Variants in PHF6 observed in about 807,000 individuals in gnomAD.
PHF6 encodes the protein PHD-like zinc finger protein.
A neutral mutation model predicts 34.0 loss-of-function variants in PHF6; 7 were observed. That is an observed-to-expected ratio of 0.21 (90% CI 0.12 to 0.39). PHF6 has a LOEUF of 0.39. PHF6 is among the 10% of genes least tolerant of loss of function. PHF6 has a pLI of 1.00. For missense variants in PHF6, 128 were observed against 262.8 expected (o/e 0.49, Z 3.55); for synonymous variants, 89 against 88.4 (o/e 1.01, Z -0.04).
At chrX:134,399,686 G>GAC (rs749494093) in intron 5 of PHF6, among the ~76,000 whole-genome samples, 2,035 of 95,512 alleles carry the variant, frequency 0.021, 49 homozygotes, top group African/African-American at 0.073. Context: ...CACACACACA[G>GAC]ACACACACAC....
chrX:134,423,146 A>G (rs765613046), intron 9 of PHF6, among the ~76,000 whole-genome samples: 547 of 112,007 alleles, frequency 4.9e-3, no homozygotes, highest in African/African-American at 0.017. Flanking sequence ...TAAAATTAAC[A>G]ATTATTTCTT....
Position 134,408,080 on chromosome X carries a change from A to G in PHF6, c.419-5411A>G, listed in dbSNP as rs754689576. Among the ~76,000 whole-genome samples, 8 of 111,241 alleles carry G rather than the reference A, an allele frequency of 7.2e-5. No homozygotes were observed. The East Asian group carries it at 2.0e-3, about 27-fold the overall frequency. On this transcript the variant is annotated intron_variant, in intron 5 of 10. Transcript: ENST00000370803. ...GTAGCTGGGATTGCAGGCATGTACC[A>G]CCACACCCGGCTAATTTTTGTATTT...
intron 3 of PHF6, among the ~76,000 whole-genome samples, chrX:134,392,234 A>G (rs1339600157): frequency 8.9e-6 from 1 of 112,208 alleles, no homozygotes; most frequent in African/African-American, 3.2e-5. Flanking sequence ...AGTGTTCTTT[A>G]TGTTCAAATT....
chrX:134,391,201 T>C (rs1189259453), intron 3 of PHF6, among the ~76,000 whole-genome samples: 1 of 110,926 alleles, frequency 9.0e-6, no homozygotes, highest in Non-Finnish European at 1.9e-5. Context: ...CTTGAACTCC[T>C]GACCTCAGGT....
Position 134,413,475 on chromosome X carries a change from G to C in PHF6, c.419-16G>C, listed in dbSNP as rs767866459. ...TGAGATTGGTCCATAAAAAGTTTTT[G>C]TTCATTTTTAAGCAGCTGATTTAGA... On this transcript the variant is annotated splice_polypyrimidine_tract_variant and intron_variant, in intron 5 of 10. Transcript: ENST00000370803. 52 of 1,207,566 alleles carry C rather than the reference G, an allele frequency of 4.3e-5. No individual in the cohort carries two copies. The highest frequency in any genetic ancestry group is 5.1e-5 in the Non-Finnish European group (46 of 893,643).
At position 134,428,246 on chromosome X, in the gene PHF6, G is replaced by C. The variant is rs753166771; in HGVS notation, c.*2586G>C. On this transcript the variant is annotated 3_prime_UTR_variant, in exon 11 of 11. Transcript: ENST00000370803. ...TTAGTAGGAAATGTTCTTTAGAGTA[G>C]AAAGATAGACTTGAGTTTCTATACT... 1 of 117,579 alleles carries C rather than the reference G, an allele frequency of 8.5e-6. No individual in the cohort carries two copies. The highest frequency in any genetic ancestry group is 4.9e-4 in the South Asian group (1 of 2,044). The allele number at this position is 117,579 out of a possible 1,213,427, so 9.7% of individuals were successfully genotyped here.
chrX:134,394,526 G>A (rs1414186883), intron 5 of PHF6, among the ~76,000 whole-genome samples: 1 of 109,241 alleles, frequency 9.2e-6, no homozygotes, highest in Non-Finnish European at 1.9e-5. Context: ...TGGTGGCTGC[G>A]TGTTTCATTT....
chrX:134,388,319 G>A (rs929920734), intron 3 of PHF6, among the ~76,000 whole-genome samples: 9 of 111,759 alleles, frequency 8.1e-5, no homozygotes, highest in African/African-American at 1.9e-4. Flanking sequence ...AAGCACCTGC[G>A]TAAAGTAAGC....
Position 134,425,282 on chromosome X carries a change from A to G in PHF6, c.1050A>G (p.Val350=). 8.3e-7 allele frequency: 1 copy of G among 1,211,497 alleles called. No individual in the cohort carries two copies. The highest frequency in any genetic ancestry group is 1.8e-5 in the South Asian group (1 of 57,009). ...EERESKSRGK[V]EIDQQQLTQQ... Reference sequence around the variant, plus strand: ...GAGAGAGTAAAAGCCGAGGAAAAGTAGAAATTGATCAGCAACAACTAACTC... The same window carrying G: ...GAGAGAGTAAAAGCCGAGGAAAAGTGGAAATTGATCAGCAACAACTAACTC... The change falls in exon 10 of 11, where the codon GTA becomes GTG. Residue 350 remains valine (V), a synonymous_variant. Transcript: ENST00000370803.
chrX:134,404,967 T>C (rs781663568), intron 5 of PHF6, among the ~76,000 whole-genome samples: 8 of 111,994 alleles, frequency 7.1e-5, no homozygotes, highest in Non-Finnish European at 1.5e-4. Flanking sequence ...GTGATTTGCT[T>C]TATTGCGATA....
chrX:134,377,271 G>A (rs774524338), intron 1 of PHF6, among the ~76,000 whole-genome samples: 16 of 111,297 alleles, frequency 1.4e-4, no homozygotes, highest in Non-Finnish European at 2.6e-4. Context: ...GGCATCTTAG[G>A]TTTTAATGTT....
At chrX:134,414,810 G>A (rs184271140) in intron 7 of PHF6, among the ~76,000 whole-genome samples, 37 of 111,674 alleles carry the variant, frequency 3.3e-4, no homozygotes, top group Non-Finnish European at 5.8e-4. Context: ...CTCCACACTG[G>A]CAGTCCTCAT....
At chrX:134,384,935 G>A (rs1199545608) in intron 3 of PHF6, among the ~76,000 whole-genome samples, 3 of 111,879 alleles carry the variant, frequency 2.7e-5, no homozygotes, top group Non-Finnish European at 5.6e-5. Context: ...ACAGGCGTGA[G>A]CCACTGCGCC....
At chrX:134,416,891 T>TA (rs1268523238) in intron 8 of PHF6, among the ~76,000 whole-genome samples, 1 of 111,748 alleles carries the variant, frequency 8.9e-6, no homozygotes, top group African/African-American at 3.2e-5. Flanking sequence ...ACATCATTCT[T>TA]TTTGTGTATT....
intron 3 of PHF6, among the ~76,000 whole-genome samples, chrX:134,386,441 T>A (rs1284765420): frequency 9.4e-6 from 1 of 106,621 alleles, no homozygotes; most frequent in African/African-American, 3.5e-5. Context: ...AGACTGAGTC[T>A]CACTCTGTCG....
chrX:134,407,889 G>A (rs1346199013), intron 5 of PHF6, among the ~76,000 whole-genome samples: 1 of 111,408 alleles, frequency 9.0e-6, no homozygotes, highest in African/African-American at 3.3e-5. Context: ...CCAACCAGGA[G>A]CACAGAGCAG....
At chrX:134,396,573 A>G (rs2077378284) in intron 5 of PHF6, among the ~76,000 whole-genome samples, 1 of 111,530 alleles carries the variant, frequency 9.0e-6, no homozygotes, top group African/African-American at 3.3e-5. Flanking sequence ...TTGGGATTCG[A>G]TGTGTACGTC....
chrX:134,377,852 A>G, intron 2 of PHF6, 97 bp downstream of exon 2: 1 of 1,015,932 alleles, frequency 9.8e-7, no homozygotes, highest in South Asian at 2.1e-5. Context: ...AACAAAAACC[A>G]AAAAAAACTC....
At chrX:134,415,481 A>G (rs754618004) in intron 8 of PHF6, among the ~76,000 whole-genome samples, 1 of 112,191 alleles carries the variant, frequency 8.9e-6, no homozygotes, top group African/African-American at 3.2e-5. Context: ...TTCTGTTTAA[A>G]GAACACATAC....
Sources: gnomAD v4.1 joint callset for allele counts (sites outside exome capture counted in the v4.1 genomes callset) on GRCh38, gnomAD v4.1.1 for gene constraint, MANE v1.5 for transcripts, NCBI Gene and HGNC (gene_info 2026-07-23, HGNC 2026-07-21) for gene names.